DPP6: variants seen among roughly 807,000 people sequenced by gnomAD.
DPP6 encodes the protein A-type potassium channel modulatory protein DPP6.
A neutral mutation model predicts 122.6 loss-of-function variants in DPP6; 69 were observed. The ratio of observed to expected loss-of-function variants is 0.56; its 90% CI spans 0.46 to 0.69. The LOEUF (loss-of-function observed/expected upper bound fraction) is 0.69, where lower values mean the gene tolerates loss of function less well. Among genes scored for constraint, DPP6 ranks in the 30% least tolerant of loss-of-function variants. The pLI, the probability that DPP6 is intolerant of heterozygous loss-of-function variation, is 0.00. For synonymous variants in DPP6, 418 were observed against 433.1 expected (o/e 0.97, Z 0.43); for missense variants, 928 against 1,116.9 (o/e 0.83, Z 2.41).
At chr7:154,868,917 G>A (rs1392203410) in intron 18 of DPP6, among the ~76,000 whole-genome samples, 6 of 152,222 alleles carry the variant, frequency 3.9e-5, no homozygotes, top group East Asian at 1.9e-4. Context: ...GTAAGTTGGT[G>A]TCGAATAACT....
intron 16 of DPP6, among the ~76,000 whole-genome samples, chr7:154,842,956 C>A (rs1801667279): frequency 6.6e-6 from 1 of 152,212 alleles, no homozygotes; most frequent in Admixed American, 6.5e-5. Context: ...ATATGAGGAC[C>A]AGGCAGAGAG....
intron 2 of DPP6, among the ~76,000 whole-genome samples, chr7:154,459,062 A>G (rs1048233165): frequency 6.6e-6 from 1 of 152,130 alleles, no homozygotes; most frequent in Non-Finnish European, 1.5e-5. Flanking sequence ...TATTTTACAT[A>G]CATTCAATTA....
intron 6 of DPP6, among the ~76,000 whole-genome samples, chr7:154,657,067 C>T (rs1586823972): frequency 1.1e-5 from 1 of 92,864 alleles, no homozygotes; most frequent in South Asian, 4.4e-4. Context: ...GGTGGAGAGG[C>T]TGCGTGGGAG....
In DPP6 at chr7:154,342,083, G is replaced by T. The variant is rs371491135; in HGVS notation, c.244-104131G>T. ...TTGGCACAGCTTCCCTCTAGAAAAA[G>T]ATATTGTTAATAATTGGTTAATTAT... is the stretch of plus-strand genomic sequence containing the variant. On this transcript the variant is annotated intron_variant, in intron 1 of 25. Coordinates refer to ENST00000377770, the MANE Select transcript of DPP6 (RefSeq NM_130797.4). Among the ~76,000 whole-genome samples the T allele has an allele frequency of 1.5e-4, 23 of 152,282 alleles. No individual in the cohort carries two copies. The East Asian group carries it at 2.7e-3, about 18-fold the overall frequency.
chr7:154,045,386 C>T (rs1410751153), intron 1 of DPP6, among the ~76,000 whole-genome samples: 1 of 152,218 alleles, frequency 6.6e-6, no homozygotes, highest in Non-Finnish European at 1.5e-5. Context: ...TGCTCTAGTA[C>T]ATTGCTCTAG....
At chr7:153,843,440 C>G in the DPP6 span, among the ~76,000 whole-genome samples, 1 of 152,194 alleles carries the variant, frequency 6.6e-6, no homozygotes, top group Non-Finnish European at 1.5e-5. Context: ...CAACGGGGCT[C>G]TCTCTTTGTT....
chr7:154,785,115 G>A (rs920555733), intron 10 of DPP6, among the ~76,000 whole-genome samples: 1 of 152,164 alleles, frequency 6.6e-6, no homozygotes, highest in African/African-American at 2.4e-5. Flanking sequence ...CCATGACACC[G>A]TGGGTTTATT....
chr7:154,435,210 G>A (rs1422371448), intron 1 of DPP6, among the ~76,000 whole-genome samples: 1 of 152,046 alleles, frequency 6.6e-6, no homozygotes, highest in Admixed American at 6.6e-5. Flanking sequence ...GAGGGACATT[G>A]AAAGAGCAAC....
At chr7:154,454,190 T>C (rs1423606632) in intron 2 of DPP6, among the ~76,000 whole-genome samples, 3 of 152,204 alleles carry the variant, frequency 2.0e-5, no homozygotes, top group African/African-American at 7.2e-5. Flanking sequence ...CTGGTATTGT[T>C]CATTTGCCCT....
At chr7:153,799,002 G>T in the DPP6 span, among the ~76,000 whole-genome samples, 21 of 152,148 alleles carry the variant, frequency 1.4e-4, no homozygotes, top group Admixed American at 1.3e-3. Flanking sequence ...TGAGCAATGG[G>T]GAGTGGCTAT....
At chr7:153,959,119 CT>C (rs1795217252) in intron 1 of DPP6, among the ~76,000 whole-genome samples, 2 of 152,008 alleles carry the variant, frequency 1.3e-5, no homozygotes, top group Non-Finnish European at 2.9e-5. Flanking sequence ...CCATCCGATG[CT>C]TCTGGTCACT....
chr7:154,798,841 TCTGCATCCCTCGAGTTA>T (rs1195253095), intron 12 of DPP6, among the ~76,000 whole-genome samples: 10 of 152,388 alleles, frequency 6.6e-5, no homozygotes, highest in Non-Finnish European at 1.3e-4. Flanking sequence ...CTGTAGTGTT[TCTGCATCCCTCGAGTTA>T]CTGTGATATC....
chr7:153,988,294 G>A (rs1796947854), intron 1 of DPP6, among the ~76,000 whole-genome samples: 1 of 152,048 alleles, frequency 6.6e-6, no homozygotes, highest in African/African-American at 2.4e-5. Flanking sequence ...GAGCTCCGGG[G>A]GTCTGAATGC....
chr7:154,649,611 G>A (rs2130985239), intron 6 of DPP6, among the ~76,000 whole-genome samples: 1 of 152,294 alleles, frequency 6.6e-6, no homozygotes, highest in Admixed American at 6.5e-5. Context: ...CTGCAGCTGT[G>A]GGGAGAAGCA....
chr7:154,595,154 C>G (rs1833019077), intron 5 of DPP6, among the ~76,000 whole-genome samples: 1 of 152,124 alleles, frequency 6.6e-6, no homozygotes, highest in South Asian at 2.1e-4. Flanking sequence ...GGCTGCTTTG[C>G]TTTCCTTTCC....
At chr7:154,416,839 GT>G (rs1361674430) in intron 1 of DPP6, among the ~76,000 whole-genome samples, 1 of 48,500 alleles carries the variant, frequency 2.1e-5, no homozygotes, top group Non-Finnish European at 6.2e-5. Flanking sequence ...CTCAGGAAAC[GT>G]TTCTAGATCC....
chr7:154,659,317 A>G (rs1311735773), intron 6 of DPP6, among the ~76,000 whole-genome samples: 2 of 152,248 alleles, frequency 1.3e-5, no homozygotes, highest in African/African-American at 4.8e-5. Context: ...AAGAAATTAC[A>G]TATAGATAGT....
chr7:154,782,613 G>A (rs532553396), intron 10 of DPP6, among the ~76,000 whole-genome samples: 101 of 151,948 alleles, frequency 6.6e-4, no homozygotes, highest in African/African-American at 2.4e-3. Flanking sequence ...TCATGTGGTC[G>A]CCCACTGCCA....
chr7:154,053,275 C>G (rs1407725508), intron 1 of DPP6, among the ~76,000 whole-genome samples: 1 of 151,576 alleles, frequency 6.6e-6, no homozygotes, highest in Non-Finnish European at 1.5e-5. Context: ...GCCGCGGCGG[C>G]CGGGAGTTGG....
Sources: allele counts gnomAD v4.1 joint callset (sites outside exome capture counted in the v4.1 genomes callset), GRCh38; gene constraint gnomAD v4.1.1; transcripts MANE v1.5; gene names NCBI Gene and HGNC (gene_info 2026-07-23, HGNC 2026-07-21).